The following RIMS1 variants were observed in gnomAD, a reference collection of about 807,000 sequenced individuals.
The protein encoded by RIMS1 is regulating synaptic membrane exocytosis 1.
A neutral mutation model predicts 214.1 loss-of-function variants in RIMS1; 83 were observed. The ratio of observed to expected loss-of-function variants is 0.39; its 90% CI spans 0.32 to 0.47. RIMS1 has a LOEUF of 0.47. RIMS1 is among the 20% of genes least tolerant of loss of function. RIMS1 has a pLI of 0.99. For synonymous variants in RIMS1, 793 were observed against 786.8 expected (o/e 1.01, Z -0.13); for missense variants, 2,050 against 2,161.8 (o/e 0.95, Z 1.03).
intron 1 of RIMS1, among the ~76,000 whole-genome samples, chr6:71,939,310 G>A (rs1442680392): frequency 6.6e-6 from 1 of 152,084 alleles, no homozygotes; most frequent in African/African-American, 2.4e-5. Flanking sequence ...CCTCTCCTAA[G>A]CTCTAACCAG....
intron 29 of RIMS1, among the ~76,000 whole-genome samples, chr6:72,343,369 A>ATATTAT (rs34907894): frequency 6.5e-4 from 98 of 150,396 alleles, no homozygotes; most frequent in South Asian, 1.5e-3. Context: ...TTTAGCATGC[A>ATATTAT]TATTATTATT....
intron 1 of RIMS1, among the ~76,000 whole-genome samples, chr6:71,910,054 G>A (rs1776424854): frequency 6.6e-6 from 1 of 152,002 alleles, no homozygotes; most frequent in African/African-American, 2.4e-5. Flanking sequence ...AAGGTAGCAG[G>A]GAAAAGTTAA....
intron 28 of RIMS1, among the ~76,000 whole-genome samples, chr6:72,326,749 T>A (rs1452617647): frequency 6.6e-6 from 1 of 151,456 alleles, no homozygotes; most frequent in Non-Finnish European, 1.5e-5. Flanking sequence ...CTCAGAAAAA[T>A]GGGGAATTGG....
At chr6:72,214,618 A>AT (rs1358703807) in intron 6 of RIMS1, among the ~76,000 whole-genome samples, 3 of 152,146 alleles carry the variant, frequency 2.0e-5, no homozygotes, top group African/African-American at 7.2e-5. Flanking sequence ...AGAAATAAAT[A>AT]TTTTTTTAAA....
intron 6 of RIMS1, among the ~76,000 whole-genome samples, chr6:72,205,290 A>G (rs1388817995): frequency 3.3e-5 from 5 of 152,214 alleles, no homozygotes; most frequent in Non-Finnish European, 7.4e-5. Context: ...AGCAACATCA[A>G]TAACATCAAT....
At chr6:72,168,765 C>T (rs1355245273) in intron 4 of RIMS1, among the ~76,000 whole-genome samples, 1 of 134,458 alleles carries the variant, frequency 7.4e-6, no homozygotes, top group African/African-American at 2.8e-5. Flanking sequence ...CTGCCTTTTC[C>T]TGGTGCTGGC....
chr6:72,258,309 C>T, intron 17 of RIMS1, 28 bp downstream of exon 17: 1 of 1,592,310 alleles, frequency 6.3e-7, no homozygotes, highest in Non-Finnish European at 8.6e-7. Flanking sequence ...CTCAGTGTCC[C>T]TGACAGTACA....
intron 19 of RIMS1, chr6:72,264,017 G>C (rs940739829): frequency 1.4e-6 from 1 of 740,696 alleles, no homozygotes; most frequent in African/African-American, 1.9e-5. Flanking sequence ...AAAGAAAATG[G>C]CATTTTAGTT....
chr6:72,110,478 T>A (rs1160736615), intron 4 of RIMS1, among the ~76,000 whole-genome samples: 7 of 149,694 alleles, frequency 4.7e-5, no homozygotes, highest in Non-Finnish European at 1.5e-5. Flanking sequence ...TGAATGGGAG[T>A]TCACTCATGA....
At chr6:72,136,646 C>G (rs1330169433) in intron 4 of RIMS1, among the ~76,000 whole-genome samples, 1 of 152,018 alleles carries the variant, frequency 6.6e-6, no homozygotes, top group Non-Finnish European at 1.5e-5. Flanking sequence ...AAAATAATCA[C>G]TCCAAAATTT....
chr6:71,947,499 A>G (rs1788220064), intron 1 of RIMS1, among the ~76,000 whole-genome samples: 2 of 152,136 alleles, frequency 1.3e-5, no homozygotes, highest in Non-Finnish European at 2.9e-5. Flanking sequence ...TGTAAAAGTC[A>G]AACTCAGAAA....
intron 4 of RIMS1, among the ~76,000 whole-genome samples, chr6:72,123,343 G>C (rs1446410241): frequency 6.6e-6 from 1 of 151,848 alleles, no homozygotes; most frequent in African/African-American, 2.4e-5. Flanking sequence ...GAGACAGTTT[G>C]TTGTGATTTC....
At chr6:72,125,912 G>C (rs1424866703) in intron 4 of RIMS1, among the ~76,000 whole-genome samples, 2 of 152,202 alleles carry the variant, frequency 1.3e-5, no homozygotes, top group Non-Finnish European at 2.9e-5. Context: ...CCTTGGCTAG[G>C]AAAGGGAAAT....
chr6:72,261,016 G>A, intron 19 of RIMS1: 1 of 1,276,384 alleles, frequency 7.8e-7, no homozygotes, highest in Middle Eastern at 3.2e-4. Flanking sequence ...CTCTGGGACT[G>A]TTTGCGTTCC....
At chr6:72,180,273 T>C (rs1458622072) in intron 5 of RIMS1, among the ~76,000 whole-genome samples, 1 of 152,212 alleles carries the variant, frequency 6.6e-6, no homozygotes, top group East Asian at 1.9e-4. Flanking sequence ...GAATCTGACC[T>C]ATCAGAAAGT....
At chr6:71,984,071 T>C (rs1185136943) in intron 2 of RIMS1, among the ~76,000 whole-genome samples, 1 of 152,202 alleles carries the variant, frequency 6.6e-6, no homozygotes, top group Non-Finnish European at 1.5e-5. Flanking sequence ...TTGATTTATG[T>C]ATAATCAATT....
rs140540465 is a variant in RIMS1 at position 72,185,574 on chromosome 6, G to A, written c.1678+2425G>A. On this transcript the variant is annotated intron_variant, in intron 6 of 33. Coordinates refer to ENST00000521978, the MANE Select transcript of RIMS1 (RefSeq NM_014989.7). ...TGAGGAAGAAGAGGTAAAAGAAGCA[G>A]TGCCAGAAAACAGATTGACATTAGA... Among the ~76,000 whole-genome samples the A allele has an allele frequency of 5.9e-4, 90 of 152,336 alleles. 2 individuals carry two copies. In the East Asian group the frequency reaches 9.8e-3, roughly 17 times the overall value.
In RIMS1 at chr6:72,392,664, T is replaced by A. The variant is rs551220288; in HGVS notation, c.4506-34T>A. 7.6e-6 allele frequency: 11 copies of A among 1,446,282 alleles called. No homozygotes were observed. The South Asian group carries it at 1.1e-4, about 15-fold the overall frequency. The allele number at this position is 1,446,282 out of a possible 1,614,324, so 89.6% of individuals were successfully genotyped here. A position where few individuals can be genotyped will look rare whatever the true frequency, so the allele number is the denominator to read the frequency against. On this transcript the variant is annotated intron_variant, in intron 30 of 33. Coordinates refer to ENST00000521978, the MANE Select transcript of RIMS1 (RefSeq NM_014989.7). ...AAAGAATTCTAGAAGATTTCATGGG[T>A]TTTTTCCTTTGGTTTTTATCCTTTT...
intron 1 of RIMS1, among the ~76,000 whole-genome samples, chr6:71,957,727 G>A (rs1212134331): frequency 1.3e-5 from 2 of 150,460 alleles, no homozygotes; most frequent in Admixed American, 6.6e-5. Flanking sequence ...ACATGACAGT[G>A]TATAGACATA....
Sources: allele counts gnomAD v4.1 joint callset (sites outside exome capture counted in the v4.1 genomes callset), GRCh38; gene constraint gnomAD v4.1.1; transcripts MANE v1.5; gene names NCBI Gene and HGNC (gene_info 2026-07-23, HGNC 2026-07-21).